The following ASIC2 variants were observed in gnomAD, a reference collection of about 807,000 sequenced individuals.
ASIC2 encodes the protein acid-sensing ion channel 2.
A neutral mutation model predicts 57.3 loss-of-function variants in ASIC2; 25 were observed. The observed-to-expected ratio is 0.44, with a 90% CI of 0.32 to 0.61. ASIC2 has a LOEUF of 0.61. Ranked by LOEUF, ASIC2 falls within the 20% of genes least tolerant of loss-of-function variation. The pLI is 0.06. For missense variants in ASIC2, 641 were observed against 738.1 expected (o/e 0.87, Z 1.52); for synonymous variants, 319 against 307.5 (o/e 1.04, Z -0.39).
chr17:34,095,413 C>A (rs893928544), intron 1 of ASIC2, among the ~76,000 whole-genome samples: 3 of 151,886 alleles, frequency 2.0e-5, no homozygotes, highest in African/African-American at 4.8e-5. Context: ...TAAATAAATT[C>A]TTTTTCTCCT....
intron 1 of ASIC2, among the ~76,000 whole-genome samples, chr17:33,606,530 C>T (rs943807929): frequency 1.3e-5 from 2 of 152,208 alleles, no homozygotes; most frequent in African/African-American, 4.8e-5. Context: ...AAGATGCCCC[C>T]TCCAACCTAC....
chr17:33,055,776 T>C (rs2091995531), intron 3 of ASIC2, among the ~76,000 whole-genome samples: 1 of 152,180 alleles, frequency 6.6e-6, no homozygotes. Flanking sequence ...CCTTGGCCTC[T>C]CTTCACGGGA....
intron 1 of ASIC2, among the ~76,000 whole-genome samples, chr17:33,343,048 A>T (rs2142239274): frequency 6.6e-6 from 1 of 152,342 alleles, no homozygotes; most frequent in South Asian, 2.1e-4. Flanking sequence ...GGTCTGAAGG[A>T]TAAGAGGAAG....
chr17:33,204,346 A>G (rs111674336), intron 1 of ASIC2, among the ~76,000 whole-genome samples: 3,715 of 152,292 alleles, frequency 0.024, 146 homozygotes, highest in African/African-American at 0.085. Flanking sequence ...GTCAGTGAGA[A>G]GCCAGCCTGG....
At position 33,144,157 on chromosome 17, in the gene ASIC2, CA is replaced by C. The variant is rs58279499; in HGVS notation, c.709-32091del. On this transcript the variant is annotated intron_variant, in intron 1 of 9. Transcript: ENST00000225823. The stretch of plus-strand genomic sequence containing the variant: ...TTTCTGGAATTAAAAAACAAACAAA[CA>C]AAAAAAAAAACGAAAAACAAAAACA... Among the ~76,000 whole-genome samples, 495 of 141,930 alleles carry C rather than the reference CA, an allele frequency of 3.5e-3. 2 individuals are homozygous for C. Among genetic ancestry groups the C allele is most frequent in the South Asian group, 9.4e-3 (43 of 4,568 alleles). 93.1% of individuals were successfully genotyped at this position (141,930 alleles called of 152,430 possible). A position where few individuals can be genotyped will look rare whatever the true frequency, so the allele number is the denominator to read the frequency against.
intron 1 of ASIC2, among the ~76,000 whole-genome samples, chr17:33,278,613 C>T (rs1262447478): frequency 6.6e-6 from 1 of 152,088 alleles, no homozygotes; most frequent in Non-Finnish European, 1.5e-5. Context: ...ACTTGGAAAG[C>T]ACAGATCTGG....
At chr17:33,032,943 A>G (rs2091890815) in intron 3 of ASIC2, among the ~76,000 whole-genome samples, 2 of 151,460 alleles carry the variant, frequency 1.3e-5, no homozygotes, top group African/African-American at 4.9e-5. Context: ...GAATGGGTTT[A>G]CTTATGGCAA....
chr17:33,850,192 T>A (rs1913726589), intron 1 of ASIC2, among the ~76,000 whole-genome samples: 1 of 152,168 alleles, frequency 6.6e-6, no homozygotes, highest in South Asian at 2.1e-4. Flanking sequence ...CAAGAAGAAT[T>A]GGAAGGGACC....
intron 1 of ASIC2, among the ~76,000 whole-genome samples, chr17:33,800,233 C>T (rs1912091697): frequency 6.6e-6 from 1 of 152,198 alleles, no homozygotes; most frequent in Admixed American, 6.5e-5. Context: ...CTTTGCCAGT[C>T]TGCTTCCGAT....
chr17:34,015,844 G>A (rs1258384633), intron 1 of ASIC2, among the ~76,000 whole-genome samples: 2 of 152,284 alleles, frequency 1.3e-5, no homozygotes, highest in Non-Finnish European at 1.5e-5. Context: ...GTGTGACCTT[G>A]GGCAAATGCC....
At chr17:33,081,547 TTC>T (rs144299048) in intron 3 of ASIC2, among the ~76,000 whole-genome samples, 5,465 of 151,604 alleles carry the variant, frequency 0.036, 288 homozygotes, top group African/African-American at 0.12. Flanking sequence ...GTGTAATAAA[TTC>T]TCTCTTCTGC....
At chr17:33,859,194 C>T (rs1237815994) in intron 1 of ASIC2, among the ~76,000 whole-genome samples, 1 of 152,152 alleles carries the variant, frequency 6.6e-6, no homozygotes, top group Non-Finnish European at 1.5e-5. Flanking sequence ...GTGACTTCTA[C>T]CTCAATACCA....
At chr17:33,909,628 A>G (rs1016455969) in intron 1 of ASIC2, among the ~76,000 whole-genome samples, 20 of 152,216 alleles carry the variant, frequency 1.3e-4, no homozygotes, top group African/African-American at 4.3e-4. Context: ...TGTGCCCTGG[A>G]GTCCGAAGCT....
chr17:33,560,143 G>A (rs1175267601), intron 1 of ASIC2, among the ~76,000 whole-genome samples: 1 of 152,190 alleles, frequency 6.6e-6, no homozygotes, highest in Non-Finnish European at 1.5e-5. Context: ...CTTGGACCTC[G>A]GTTGGCTGTG....
intron 1 of ASIC2, among the ~76,000 whole-genome samples, chr17:33,194,020 C>T (rs551992328): frequency 1.8e-3 from 267 of 152,216 alleles, no homozygotes; most frequent in African/African-American, 5.5e-3. Flanking sequence ...AGATCTGCAG[C>T]ACCTTGGCAG....
intron 1 of ASIC2, among the ~76,000 whole-genome samples, chr17:33,969,287 T>C (rs1905157302): frequency 6.6e-6 from 1 of 152,218 alleles, no homozygotes; most frequent in African/African-American, 2.4e-5. Context: ...AAATTCTCAA[T>C]TTCTGGTACA....
chr17:33,880,834 T>A (rs1914681023), intron 1 of ASIC2, among the ~76,000 whole-genome samples: 1 of 152,196 alleles, frequency 6.6e-6, no homozygotes, highest in Non-Finnish European at 1.5e-5. Context: ...CCAATATCCC[T>A]GATGAACATC....
chr17:34,130,363 G>A (rs938782733), intron 1 of ASIC2, among the ~76,000 whole-genome samples: 1 of 152,160 alleles, frequency 6.6e-6, no homozygotes, highest in Non-Finnish European at 1.5e-5. Context: ...CATGGCTTAC[G>A]AGGAGATGCA....
At chr17:33,455,241 C>A (rs1212069084) in intron 1 of ASIC2, among the ~76,000 whole-genome samples, 2 of 152,128 alleles carry the variant, frequency 1.3e-5, no homozygotes, top group Admixed American at 1.3e-4. Flanking sequence ...AGGTTTCTTA[C>A]CTGGTTATAT....
Sources: allele counts gnomAD v4.1 joint callset (sites outside exome capture counted in the v4.1 genomes callset), GRCh38; gene constraint gnomAD v4.1.1; transcripts MANE v1.5; gene names NCBI Gene and HGNC (gene_info 2026-07-23, HGNC 2026-07-21).